Variants in TMEM163 observed in about 807,000 individuals in gnomAD.
TMEM163 encodes transmembrane protein 163.
TMEM163 carries 17 observed loss-of-function variants against 29.3 expected under a neutral mutation model. The observed-to-expected ratio is 0.58, with a 90% confidence interval of 0.40 to 0.87. The LOEUF (loss-of-function observed/expected upper bound fraction) is 0.87, where lower values mean the gene tolerates loss of function less well. Among genes scored for constraint, TMEM163 ranks in the 40% least tolerant of loss-of-function variants. TMEM163 has a pLI of 0.00. For missense variants in TMEM163, 303 were observed against 381.5 expected (o/e 0.79, Z 1.71); for synonymous variants, 157 against 160.6 (o/e 0.98, Z 0.17).
At chr2:134,692,465 T>C (rs1036176933) in intron 2 of TMEM163, among the ~76,000 whole-genome samples, 6 of 152,166 alleles carry the variant, frequency 3.9e-5, no homozygotes, top group African/African-American at 1.4e-4. Flanking sequence ...CTCCTTAGTC[T>C]GCTTGGGCTG....
rs554988013 is a variant in TMEM163 at position 134,639,087 on chromosome 2, C to T, written c.322+74113G>A. ...TTTAAGGAGGAAAGGGATGATCTGA[C>T]GCCTGGACCCACAGTCATCTATCAA... On this transcript the variant is annotated intron_variant, in intron 2 of 7. Transcript: ENST00000281924. Among the ~76,000 whole-genome samples the T allele has an allele frequency of 7.9e-5, 12 of 152,216 alleles. No individual in the cohort carries two copies. The East Asian group carries it at 1.4e-3, about 17-fold the overall frequency.
At chr2:134,580,928 T>C (rs1434159174) in intron 2 of TMEM163, among the ~76,000 whole-genome samples, 1 of 152,112 alleles carries the variant, frequency 6.6e-6, no homozygotes, top group Non-Finnish European at 1.5e-5. Context: ...AAACCAGCCC[T>C]AGGACAGGAG....
At chr2:134,589,257 C>G (rs1432470257) in intron 2 of TMEM163, among the ~76,000 whole-genome samples, 1 of 152,112 alleles carries the variant, frequency 6.6e-6, no homozygotes, top group East Asian at 1.9e-4. Context: ...GCATTTGAAC[C>G]AGAGCAACTC....
intron 3 of TMEM163, among the ~76,000 whole-genome samples, chr2:134,551,229 T>C (rs879357672): frequency 6.7e-6 from 1 of 149,786 alleles, no homozygotes; most frequent in Non-Finnish European, 1.5e-5. Flanking sequence ...TGTTTCTGGG[T>C]GTGTGTGTAT....
At position 134,640,882 on chromosome 2, in the gene TMEM163, T is replaced by C. The variant is rs116368279; in HGVS notation, c.322+72318A>G. 5.0e-3 allele frequency among the ~76,000 whole-genome samples: 755 copies of C among 152,308 alleles called. 9 individuals carry two copies. The highest frequency in any genetic ancestry group is 0.017 in the African/African-American group (723 of 41,570). Reference sequence around the variant, plus strand: ...CAGGTCTCATTTAAGACAGAAAAGATAACATGAAGAAATCTGCTTTACTTT... The same window carrying C: ...CAGGTCTCATTTAAGACAGAAAAGACAACATGAAGAAATCTGCTTTACTTT... On this transcript the variant is annotated intron_variant, in intron 2 of 7. Coordinates refer to ENST00000281924, the MANE Select transcript of TMEM163 (RefSeq NM_030923.5).
chr2:134,531,731 C>T (rs1487865974), intron 4 of TMEM163, among the ~76,000 whole-genome samples: 6 of 152,190 alleles, frequency 3.9e-5, no homozygotes, highest in African/African-American at 9.7e-5. Context: ...CCACCCTCCA[C>T]GTGTTCAGGT....
intron 2 of TMEM163, among the ~76,000 whole-genome samples, chr2:134,557,665 G>A (rs540942464): frequency 4.6e-5 from 7 of 152,262 alleles, no homozygotes; most frequent in Admixed American, 2.6e-4. Flanking sequence ...CTGTGTGAGC[G>A]GAGGGTAGAG....
At chr2:134,645,240 T>A (rs1480887400) in intron 2 of TMEM163, among the ~76,000 whole-genome samples, 1 of 152,246 alleles carries the variant, frequency 6.6e-6, no homozygotes, top group Non-Finnish European at 1.5e-5. Flanking sequence ...ACTTGCCATA[T>A]GACCCAGCAA....
At chr2:134,568,163 C>T (rs955478022) in intron 2 of TMEM163, among the ~76,000 whole-genome samples, 4 of 152,130 alleles carry the variant, frequency 2.6e-5, no homozygotes, top group African/African-American at 9.7e-5. Context: ...CTATCATGTT[C>T]CAGTAGGGCA....
At chr2:134,500,805 G>A (rs1679681194) in intron 5 of TMEM163, among the ~76,000 whole-genome samples, 2 of 152,064 alleles carry the variant, frequency 1.3e-5, no homozygotes, top group Admixed American at 6.6e-5. Context: ...GTAAAACAGA[G>A]GATTCCAGAG....
chr2:134,456,575 C>A lies in TMEM163; in HGVS notation c.*141G>T. 1 of 999,476 alleles carries A rather than the reference C, an allele frequency of 1.0e-6. No individual in the cohort carries two copies. 61.9% of individuals were successfully genotyped at this position (999,476 alleles called of 1,614,324 possible). A position where few individuals can be genotyped will look rare whatever the true frequency, so the allele number is the denominator to read the frequency against. ...ATGGGGGCAAGGTAGATCCACCTGG[C>A]TGGGCAGACCTTGTCTTGTAATGAC... is the stretch of plus-strand genomic sequence containing the variant. On this transcript the variant is annotated 3_prime_UTR_variant, in exon 8 of 8. Coordinates refer to ENST00000281924, the MANE Select transcript of TMEM163 (RefSeq NM_030923.5).
At chr2:134,488,685 A>G (rs1380818775) in intron 5 of TMEM163, among the ~76,000 whole-genome samples, 1 of 152,222 alleles carries the variant, frequency 6.6e-6, no homozygotes, top group Admixed American at 6.5e-5. Flanking sequence ...ATACACACAT[A>G]TCCTATTAGT....
At chr2:134,472,511 T>A (rs1686827696) in intron 5 of TMEM163, among the ~76,000 whole-genome samples, 1 of 152,236 alleles carries the variant, frequency 6.6e-6, no homozygotes, top group African/African-American at 2.4e-5. Context: ...CAGTGCAAAA[T>A]GGTCCAACCT....
chr2:134,529,330 CA>C (rs1170391502), intron 4 of TMEM163, among the ~76,000 whole-genome samples: 1 of 151,436 alleles, frequency 6.6e-6, no homozygotes, highest in East Asian at 1.9e-4. Flanking sequence ...CGCTCTGTCT[CA>C]AAAACAAAAA....
chr2:134,657,858 C>G (rs570220150), intron 2 of TMEM163, among the ~76,000 whole-genome samples: 6 of 152,022 alleles, frequency 3.9e-5, no homozygotes, highest in Non-Finnish European at 8.8e-5. Flanking sequence ...CACTAGAGGG[C>G]GTGGGCGGGA....
chr2:134,561,443 C>T (rs891364286), intron 2 of TMEM163, among the ~76,000 whole-genome samples: 4 of 149,256 alleles, frequency 2.7e-5, no homozygotes, highest in African/African-American at 1.0e-4. Context: ...CTACTGACCT[C>T]GTGATCCGAG....
intron 2 of TMEM163, among the ~76,000 whole-genome samples, chr2:134,571,284 T>G (rs16830811): frequency 2.0e-5 from 3 of 152,144 alleles, no homozygotes; most frequent in Non-Finnish European, 4.4e-5. Flanking sequence ...TCGCTTTCCA[T>G]TGACCCTTTC....
At chr2:134,700,862 C>T (rs1436525026) in intron 2 of TMEM163, among the ~76,000 whole-genome samples, 2 of 151,210 alleles carry the variant, frequency 1.3e-5, no homozygotes, top group Non-Finnish European at 2.9e-5. Context: ...GACCGTGACA[C>T]TGCACTCCAG....
chr2:134,469,065 G>A (rs796095069), intron 5 of TMEM163: 5 of 152,296 alleles, frequency 3.3e-5, no homozygotes, highest in African/African-American at 1.2e-4. Flanking sequence ...GGGTGCTCAC[G>A]GTGAGCCCCA....
Sources: allele counts gnomAD v4.1 joint callset (sites outside exome capture counted in the v4.1 genomes callset), GRCh38; gene constraint gnomAD v4.1.1; transcripts MANE v1.5; gene names NCBI Gene and HGNC (gene_info 2026-07-23, HGNC 2026-07-21).